PALM2AKAP2: variants seen among roughly 807,000 people sequenced by gnomAD.
The protein encoded by PALM2AKAP2 is PALM2 and AKAP2 fusion.
Under a neutral mutation model 71.5 loss-of-function variants are expected in PALM2AKAP2, and 37 were observed. That is an observed-to-expected ratio of 0.52 (90% CI 0.40 to 0.68). PALM2AKAP2 has a LOEUF of 0.68. Among genes scored for constraint, PALM2AKAP2 ranks in the 30% least tolerant of loss-of-function variants. PALM2AKAP2 has a pLI of 0.00. For missense variants in PALM2AKAP2, 1,224 were observed against 1,191.8 expected (o/e 1.03, Z -0.40); for synonymous variants, 468 against 478.8 (o/e 0.98, Z 0.29).
intron 6 of PALM2AKAP2, among the ~76,000 whole-genome samples, chr9:110,004,249 T>C (rs967010838): frequency 6.6e-6 from 1 of 152,212 alleles, no homozygotes; most frequent in Non-Finnish European, 1.5e-5. Flanking sequence ...TCTCAGCATT[T>C]GCTTGTCTGT....
chr9:110,159,455 C>T (rs538297051), intron 3 of PALM2AKAP2, among the ~76,000 whole-genome samples: 117 of 152,240 alleles, frequency 7.7e-4, no homozygotes, highest in African/African-American at 2.6e-3. Flanking sequence ...ATGCCTGTCG[C>T]GTGATTAGAA....
chr9:110,053,620 A>C (rs999652424), intron 1 of PALM2AKAP2, among the ~76,000 whole-genome samples: 4 of 152,032 alleles, frequency 2.6e-5, no homozygotes, highest in African/African-American at 9.7e-5. Flanking sequence ...TCTTGGTGAC[A>C]GTTTCAGAGT....
At chr9:109,879,235 G>A (rs145146917) in intron 2 of PALM2AKAP2, among the ~76,000 whole-genome samples, 2 of 152,314 alleles carry the variant, frequency 1.3e-5, no homozygotes, top group African/African-American at 2.4e-5. Context: ...GAGATCAAAC[G>A]AAATTCTGGA....
intron 1 of PALM2AKAP2, among the ~76,000 whole-genome samples, chr9:109,649,605 C>A (rs1017844555): frequency 1.3e-5 from 2 of 152,050 alleles, no homozygotes. Flanking sequence ...TATTTATCTG[C>A]CATTTGCTGG....
At chr9:110,158,330 G>A (rs112933067) in intron 3 of PALM2AKAP2, among the ~76,000 whole-genome samples, 2 of 152,254 alleles carry the variant, frequency 1.3e-5, no homozygotes, top group African/African-American at 4.8e-5. Context: ...ATTTAGCCAA[G>A]TGGGTGCCCC....
At chr9:109,888,402 G>A (rs2131799779) in intron 3 of PALM2AKAP2, among the ~76,000 whole-genome samples, 1 of 152,254 alleles carries the variant, frequency 6.6e-6, no homozygotes, top group African/African-American at 2.4e-5. Flanking sequence ...AAGAACAGCA[G>A]GTTGTCAGTA....
At chr9:109,761,187 A>G (rs1829046351) in intron 1 of PALM2AKAP2, among the ~76,000 whole-genome samples, 1 of 152,222 alleles carries the variant, frequency 6.6e-6, no homozygotes, top group South Asian at 2.1e-4. Flanking sequence ...ATCTAATCTT[A>G]TGGCATTTTA....
chr9:109,901,958 C>T (rs527962119), intron 3 of PALM2AKAP2, among the ~76,000 whole-genome samples: 10 of 152,312 alleles, frequency 6.6e-5, no homozygotes, highest in South Asian at 4.1e-4. Context: ...TTGCTGCATC[C>T]GCTGTCTCCT....
At chr9:109,814,537 C>A (rs542888735) in intron 1 of PALM2AKAP2, among the ~76,000 whole-genome samples, 1 of 152,304 alleles carries the variant, frequency 6.6e-6, no homozygotes, top group South Asian at 2.1e-4. Context: ...TCTCCTGATT[C>A]ACTCATATGC....
chr9:109,767,481 T>C (rs747041698), intron 1 of PALM2AKAP2, among the ~76,000 whole-genome samples: 2 of 152,216 alleles, frequency 1.3e-5, no homozygotes, highest in Non-Finnish European at 2.9e-5. Flanking sequence ...CTGCAGGATC[T>C]TGCTGGTTTC....
intron 6 of PALM2AKAP2, among the ~76,000 whole-genome samples, chr9:109,940,943 G>T (rs557273846): frequency 6.6e-6 from 1 of 152,220 alleles, no homozygotes; most frequent in South Asian, 2.1e-4. Flanking sequence ...AGGCTGGCAG[G>T]GGTCGGCAAA....
chr9:110,006,226 TTCTC>T (rs1287782475), intron 6 of PALM2AKAP2, among the ~76,000 whole-genome samples: 1 of 151,918 alleles, frequency 6.6e-6, no homozygotes, highest in Non-Finnish European at 1.5e-5. Flanking sequence ...TCTTTCCTCT[TTCTC>T]TCTTTTCCTC....
At chr9:109,836,381 G>A (rs139341517) in intron 1 of PALM2AKAP2, among the ~76,000 whole-genome samples, 4,224 of 152,272 alleles carry the variant, frequency 0.028, 73 homozygotes, top group Middle Eastern at 0.068. Flanking sequence ...ACATCTGTAC[G>A]TCACCATCAT....
chr9:110,090,964 T>G (rs1834692128), intron 1 of PALM2AKAP2, among the ~76,000 whole-genome samples: 1 of 152,050 alleles, frequency 6.6e-6, no homozygotes, highest in Non-Finnish European at 1.5e-5. Context: ...AGCTCAATTT[T>G]TTTTTTTTTG....
chr9:109,692,420 T>A lies in PALM2AKAP2; in HGVS notation c.5+51554T>A, dbSNP rs1221845842. Among the ~76,000 whole-genome samples the A allele has an allele frequency of 2.0e-5, 3 of 152,134 alleles. No individual in the cohort carries two copies. In the East Asian group the frequency reaches 5.8e-4, roughly 29 times the overall value. ...AAATATAGTCTTAATTATTCTTTTC[T>A]TATATCTATCTTTTACTTCTTTACT... On this transcript the variant is annotated intron_variant, in intron 1 of 6. Transcript: ENST00000374531.
At chr9:110,045,095 T>C (rs577368881), upstream of PALM2AKAP2, among the ~76,000 whole-genome samples, 21 of 152,140 alleles carry the variant, frequency 1.4e-4, no homozygotes, top group South Asian at 4.4e-3. Flanking sequence ...TAGTTTAAAG[T>C]GGGCCAGCAG....
chr9:110,012,112 G>T (rs1238121910), intron 6 of PALM2AKAP2, among the ~76,000 whole-genome samples: 1 of 152,032 alleles, frequency 6.6e-6, no homozygotes, highest in African/African-American at 2.4e-5. Flanking sequence ...GACCAACGTG[G>T]CAAAACCCTG....
At chr9:110,082,324 G>T (rs897737801) in intron 1 of PALM2AKAP2, among the ~76,000 whole-genome samples, 4 of 152,152 alleles carry the variant, frequency 2.6e-5, no homozygotes, top group African/African-American at 9.7e-5. Flanking sequence ...CCAAAGTGCT[G>T]GGATTTACAG....
chr9:110,006,068 A>C (rs1832775351), intron 6 of PALM2AKAP2, among the ~76,000 whole-genome samples: 1 of 152,102 alleles, frequency 6.6e-6, no homozygotes, highest in African/African-American at 2.4e-5. Context: ...AGTGAGATTA[A>C]CCCAGTACCT....
Sources: gnomAD v4.1 joint callset for allele counts (sites outside exome capture counted in the v4.1 genomes callset) on GRCh38, gnomAD v4.1.1 for gene constraint, MANE v1.5 for transcripts, NCBI Gene and HGNC (gene_info 2026-07-23, HGNC 2026-07-21) for gene names.